Variants in NUMBL observed in about 807,000 individuals in gnomAD.
NUMBL encodes the protein NUMB like endocytic adaptor protein.
NUMBL carries 20 observed loss-of-function variants against 48.9 expected under a neutral mutation model. The observed-to-expected ratio is 0.41, with a 90% CI of 0.29 to 0.59. The LOEUF (loss-of-function observed/expected upper bound fraction) is 0.59, where lower values mean the gene tolerates loss of function less well. Ranked by LOEUF, NUMBL falls within the 20% of genes least tolerant of loss-of-function variation. NUMBL has a pLI of 0.31. For synonymous variants in NUMBL, 340 were observed against 348.7 expected, an observed-to-expected ratio of 0.98 and a Z score of 0.28; for missense variants, 660 against 846.2, an observed-to-expected ratio of 0.78 and a Z score of 2.73.
chr19:40,690,463 G>A lies in NUMBL; in HGVS notation c.21C>T (p.Ala7=). The A allele has an allele frequency of 2.3e-6, 3 of 1,304,750 alleles. No individual in the cohort carries two copies. Among genetic ancestry groups the A allele is most frequent in the South Asian group, 4.6e-5 (2 of 43,208 alleles). 80.8% of individuals were successfully genotyped at this position (1,304,750 alleles called of 1,614,324 possible). A position where few individuals can be genotyped will look rare whatever the true frequency, so the allele number is the denominator to read the frequency against. MSRSAA[A]SGGPRRPERH... The stretch of plus-strand genomic sequence containing the variant: ...CCCCCTCTCCCGCCCTTCTCACGCT[G>A]GCCGCCGCGCTGCGGGACATCCAGG... Residue 7 remains alanine, a synonymous_variant, in exon 1 of 10, where the codon GCC becomes GCT. Coordinates refer to ENST00000252891, the MANE Select transcript of NUMBL (RefSeq NM_004756.5).
At position 40,673,430 on chromosome 19, in the gene NUMBL, G is replaced by A. The variant is rs781569151; in HGVS notation, c.950C>T (p.Ser317Leu). ...RGFPALSQKN[S>L]PFKRQLSLRL... ...TAGGCTCAGCTGCCGTTTGAAAGGC[G>A]AGTTCTTCTGGCTGAGTGCTGGGAA... Residue 317 changes from serine to leucine, a missense_variant, in exon 8 of 10, where the codon TCG becomes TTG. Around this residue, in one of 3 missense-constraint regions of NUMBL, gnomAD observed 278 missense variants for 420.6 expected, o/e 0.66. Transcript: ENST00000252891. The surrounding 1 kb of genome is among the most constrained non-coding windows in gnomAD (Gnocchi z 5.9). The A allele has an allele frequency of 1.9e-6, 3 of 1,612,712 alleles. No homozygotes were observed. The highest frequency in any genetic ancestry group is 2.7e-5 in the African/African-American group (2 of 74,914).
At position 40,674,731 on chromosome 19, in the gene NUMBL, C is replaced by T. The variant is rs375846102; in HGVS notation, c.731-1082G>A. 4.7e-4 allele frequency among the ~76,000 whole-genome samples: 72 copies of T among 152,320 alleles called. 1 individual carries two copies. The highest frequency in any genetic ancestry group is 1.7e-3 in the African/African-American group (69 of 41,572). The stretch of plus-strand genomic sequence containing the variant: ...ACTGTGTGACCTCAGGAAGTCCCCT[C>T]CCCTCTCTGGGCTCCAGTTTGCCAA... On this transcript the variant is annotated intron_variant, in intron 7 of 9. Transcript: ENST00000252891.
chr19:40,679,810 TG>T (rs907211240), intron 6 of NUMBL, among the ~76,000 whole-genome samples: 1 of 151,880 alleles, frequency 6.6e-6, no homozygotes, highest in African/African-American at 2.4e-5. Context: ...GCCAGGGGGC[TG>T]GGGTAGTGGG....
chr19:40,684,408 C>T lies in NUMBL; in HGVS notation c.249+9G>A. On this transcript the variant is annotated intron_variant, in intron 3 of 9. Coordinates refer to ENST00000252891, the MANE Select transcript of NUMBL (RefSeq NM_004756.5). The stretch of plus-strand genomic sequence containing the variant: ...CCTCGCCCCGCCGCACCCTGCCGCG[C>T]CCACTCACCCTGACCGGGAAGCTGC... 2 of 1,556,066 alleles carry T rather than the reference C, an allele frequency of 1.3e-6. No individual in the cohort carries two copies. Among genetic ancestry groups the T allele is most frequent in the Non-Finnish European group, 1.7e-6 (2 of 1,155,620 alleles).
Position 40,682,380 on chromosome 19 carries a change from C to T in NUMBL, c.399+348G>A, listed in dbSNP as rs2081909376. 6.6e-6 allele frequency among the ~76,000 whole-genome samples: 1 copy of T among 152,152 alleles called. No individual in the cohort carries two copies. Among genetic ancestry groups the T allele is most frequent in the East Asian group, 1.9e-4 (1 of 5,182 alleles). ...CCTCAGGTAATCTACCCTCCTTGGC[C>T]TCCCAAAGTACTGGGATTACAGGCG... On this transcript the variant is annotated intron_variant, in intron 5 of 9. Coordinates refer to ENST00000252891, the MANE Select transcript of NUMBL (RefSeq NM_004756.5). This position sits in a 1 kb window ranked among gnomAD's most constrained non-coding sequence, Gnocchi z 4.0.
In NUMBL at chr19:40,687,977, AC is replaced by A. The variant is rs1387234373; in HGVS notation, c.25-983del. ...CTCAAATCTGGTCACAGCATCAGTC[AC>A]ACAGTCTATTGTGACAGCCACACTC... is the stretch of plus-strand genomic sequence containing the variant. On this transcript the variant is annotated intron_variant, in intron 1 of 9. Coordinates refer to ENST00000252891, the MANE Select transcript of NUMBL (RefSeq NM_004756.5). This position sits in a 1 kb window ranked among gnomAD's most constrained non-coding sequence, Gnocchi z 4.6. 2.0e-5 allele frequency among the ~76,000 whole-genome samples: 3 copies of A among 152,210 alleles called. No homozygotes were observed. Among genetic ancestry groups the A allele is most frequent in the Non-Finnish European group, 4.4e-5 (3 of 68,036 alleles).
At chr19:40,690,081 G>A (rs957866429) in intron 1 of NUMBL, 3 of 181,416 alleles carry the variant, frequency 1.7e-5, no homozygotes, top group African/African-American at 2.4e-5. Flanking sequence ...GCAGGGAGAG[G>A]TAGGGATTGT....
chr19:40,690,537 A>ACTG lies in NUMBL; in HGVS notation c.-57_-55dup, dbSNP rs1396729410. ...GGCCCTGGCTGGGCCTGGCTCCCCG[A>ACTG]CTGCTGCTGCTGCGGTGGTGGCGGC... On this transcript the variant is annotated 5_prime_UTR_variant, in exon 1 of 10. Coordinates refer to ENST00000252891, the MANE Select transcript of NUMBL (RefSeq NM_004756.5). 30 of 1,138,304 alleles carry ACTG rather than the reference A, an allele frequency of 2.6e-5. No homozygotes were observed. Among genetic ancestry groups the ACTG allele is most frequent in the South Asian group, 1.1e-4 (3 of 26,810 alleles). 70.5% of individuals were successfully genotyped at this position (1,138,304 alleles called of 1,614,324 possible).
intron 8 of NUMBL, among the ~76,000 whole-genome samples, chr19:40,670,484 GAGAGCAGAGATACACC>G (rs1293282986): frequency 6.2e-4 from 95 of 152,232 alleles, no homozygotes; most frequent in African/African-American, 2.2e-3. Flanking sequence ...CAAACATCAT[GAGAGCAGAGATACACC>G]TGTGCCAGCA....
rs116045860 is a variant in NUMBL at position 40,673,966 on chromosome 19, C to T, written c.731-317G>A. ...TCTATCTCCCTTTTTGATCACTTAA[C>T]AAACACTGATTTGGTGCTGGAACAA... On this transcript the variant is annotated intron_variant, in intron 7 of 9. Transcript: ENST00000252891. This position sits in a 1 kb window ranked among gnomAD's most constrained non-coding sequence, Gnocchi z 5.9. Among the ~76,000 whole-genome samples the T allele has an allele frequency of 6.3e-3, 966 of 152,246 alleles. 10 individuals are homozygous for T. The highest frequency in any genetic ancestry group is 0.02 in the African/African-American group (811 of 41,524).
intron 8 of NUMBL, 24 bp from the exon 9 acceptor site, chr19:40,670,044 G>A: frequency 1.2e-6 from 2 of 1,611,508 alleles, no homozygotes; most frequent in Non-Finnish European, 1.7e-6. Context: ...CAGGACAGAG[G>A]TCAGCAAACA....
Position 40,674,267 on chromosome 19 carries a change from C to A in NUMBL, c.731-618G>T, listed in dbSNP as rs1394629904. 2.6e-5 allele frequency among the ~76,000 whole-genome samples: 4 copies of A among 152,288 alleles called. No homozygotes were observed. The East Asian group carries it at 7.7e-4, about 29-fold the overall frequency. On this transcript the variant is annotated intron_variant, in intron 7 of 9. Coordinates refer to ENST00000252891, the MANE Select transcript of NUMBL (RefSeq NM_004756.5). The stretch of plus-strand genomic sequence containing the variant: ...CTGTTCCCCTCTGTCTCCCACCTCC[C>A]AGCCTTCTTCCCACCTCAAGTAGCT...
At position 40,668,092 on chromosome 19, in the gene NUMBL, G is replaced by C; in HGVS notation, c.1206C>G (p.Phe402Leu). 5.0e-6 allele frequency: 8 copies of C among 1,603,344 alleles called. No individual in the cohort carries two copies. Among genetic ancestry groups the C allele is most frequent in the Non-Finnish European group, 6.8e-6 (8 of 1,175,676 alleles). The change falls in exon 10 of 10, where the codon TTC becomes TTG. Residue 402 changes from phenylalanine (F) to leucine (L), a missense_variant. Phe to Leu is a conservative substitution (Grantham distance 22, BLOSUM62 0). Around this residue, in one of 3 missense-constraint regions of NUMBL, gnomAD observed 296 missense variants for 339.7 expected, o/e 0.87. Coordinates refer to ENST00000252891, the MANE Select transcript of NUMBL (RefSeq NM_004756.5). ...AAGGTGTCCGCTTGTGCCCAGGCTG[G>C]AAGGCAGCTGCAGGGGGCACGGAGG... ...GEPSVPPAAA[F>L]QPGHKRTPSE...
Position 40,673,659 on chromosome 19 carries a change from T to C in NUMBL, c.731-10A>G, listed in dbSNP as rs1461831764. On this transcript the variant is annotated splice_polypyrimidine_tract_variant and intron_variant, in intron 7 of 9. Coordinates refer to ENST00000252891, the MANE Select transcript of NUMBL (RefSeq NM_004756.5). This position sits in a 1 kb window ranked among gnomAD's most constrained non-coding sequence, Gnocchi z 5.9. The stretch of plus-strand genomic sequence containing the variant: ...GCAGCTGCTGCCTCTGCTGGAGACA[T>C]GGGGGAGATGGATGGTTAGATATCT... The C allele has an allele frequency of 1.4e-6, 2 of 1,465,696 alleles. No individual in the cohort carries two copies. The highest frequency in any genetic ancestry group is 1.4e-5 in the African/African-American group (1 of 70,404). 90.8% of individuals were successfully genotyped at this position (1,465,696 alleles called of 1,614,324 possible).
rs545042057 is a variant in NUMBL at position 40,681,015 on chromosome 19, C to A, written c.442G>T (p.Ala148Ser). The A allele has an allele frequency of 1.9e-6, 3 of 1,614,078 alleles. No individual in the cohort carries two copies. Among genetic ancestry groups the A allele is most frequent in the Non-Finnish European group, 2.5e-6 (3 of 1,180,026 alleles). Residue 148 changes from alanine to serine, a missense_variant, in exon 6 of 10, where the codon GCT becomes TCT. By Grantham distance (99) the Ala-to-Ser change is moderately conservative. This residue lies in a region of NUMBL where 278 missense variants were observed against 420.6 expected (regional missense o/e 0.66). Coordinates refer to ENST00000252891, the MANE Select transcript of NUMBL (RefSeq NM_004756.5). ...DQTIEKVSFCAPDRNLDKAFS... is the reference protein window; with the variant it reads ...DQTIEKVSFCSPDRNLDKAFS... Reference sequence around the variant, plus strand: ...GCCTTGTCCAGGTTGCGGTCAGGAGCACAAAAGGAGACCTTTTCGATGGTC... The same window carrying A: ...GCCTTGTCCAGGTTGCGGTCAGGAGAACAAAAGGAGACCTTTTCGATGGTC...
chr19:40,666,646 C>T lies in NUMBL; in HGVS notation c.*822G>A, dbSNP rs1332639344. On this transcript the variant is annotated 3_prime_UTR_variant, in exon 10 of 10. Coordinates refer to ENST00000252891, the MANE Select transcript of NUMBL (RefSeq NM_004756.5). ...TGACTCAGGAGGAAAGGTTCTAGGGCCTCACCAGCGCCCTACACACACCCT... is the reference window on the plus strand; with the variant it reads ...TGACTCAGGAGGAAAGGTTCTAGGGTCTCACCAGCGCCCTACACACACCCT... 6.6e-6 allele frequency: 1 copy of T among 152,574 alleles called. No individual in the cohort carries two copies. The highest frequency in any genetic ancestry group is 6.6e-5 in the Admixed American group (1 of 15,258). 9.5% of individuals were successfully genotyped at this position (152,574 alleles called of 1,614,324 possible). A position where few individuals can be genotyped will look rare whatever the true frequency, so the allele number is the denominator to read the frequency against.
intron 1 of NUMBL, among the ~76,000 whole-genome samples, chr19:40,689,321 G>C (rs1014173852): frequency 6.6e-6 from 1 of 151,972 alleles, no homozygotes; most frequent in African/African-American, 2.4e-5. Flanking sequence ...AGACTAAAAA[G>C]TACAGGATTC....
chr19:40,667,825 C>T lies in NUMBL; in HGVS notation c.1473G>A (p.Val491=). ...GGTAGCCCAAGCCCGGGTAGGCGGG[C>T]ACAAAAGGGGGCTGCATGTGTGGGG... The part of the protein sequence containing the change: ...LPPPHMQPPF[V]PAYPGLGYPP... The change falls in exon 10 of 10, where the codon GTG becomes GTA. Residue 491 remains valine, a synonymous_variant. Transcript: ENST00000252891. The surrounding 1 kb of genome is among the most constrained non-coding windows in gnomAD (Gnocchi z 6.1). 2 of 1,588,930 alleles carry T rather than the reference C, an allele frequency of 1.3e-6. No homozygotes were observed. The highest frequency in any genetic ancestry group is 1.7e-4 in the Middle Eastern group (1 of 5,988).
intron 8 of NUMBL, 24 bp from the exon 9 acceptor site, chr19:40,670,044 G>T: frequency 6.2e-7 from 1 of 1,611,508 alleles, no homozygotes. Flanking sequence ...CAGGACAGAG[G>T]TCAGCAAACA....
Sources: gnomAD v4.1 joint callset for allele counts (sites outside exome capture counted in the v4.1 genomes callset) on GRCh38, gnomAD v4.1.1 for gene constraint, gnomAD v4.1.1 regional missense constraint, Gnocchi (gnomAD v3.1) non-coding constraint, MANE v1.5 for transcripts, NCBI Gene and HGNC (gene_info 2026-07-23, HGNC 2026-07-21) for gene names.